Variants in HDAC5 observed in about 807,000 individuals in gnomAD.
HDAC5 encodes the protein histone deacetylase 5, also known as antigen NY-CO-9.
In HDAC5, 25 loss-of-function variants were observed where a neutral mutation model predicts 133.3. The ratio of observed to expected loss-of-function variants is 0.19; its 90% CI spans 0.14 to 0.26. The LOEUF (loss-of-function observed/expected upper bound fraction) is 0.26. HDAC5 is among the 10% of genes least tolerant of loss of function. HDAC5 has a pLI of 1.00. For missense variants in HDAC5, 1,041 were observed against 1,460.5 expected (o/e 0.71, Z 4.68); for synonymous variants, 589 against 610.8 (o/e 0.96, Z 0.53).
At chr17:44,092,062 G>C (rs2050977953) in intron 9 of HDAC5, 110 bp downstream of exon 9, 1 of 1,020,362 alleles carries the variant, frequency 9.8e-7, no homozygotes, top group East Asian at 2.5e-5. Flanking sequence ...TGTGGGCAGA[G>C]AGGTCTCTGC....
chr17:44,080,835 G>A lies in HDAC5; in HGVS notation c.2655C>T (p.Pro885=), dbSNP rs1242422431. The part of the protein sequence containing the change: ...NGTQQAFYND[P]SVLYISLHRY... ...GATGCAGAGAGATGTAGAGCACAGA[G>A]GGGTCATTGTAGAACGCCTGCTGGG... Residue 885 remains proline, a synonymous_variant, in exon 21 of 27, where the codon CCC becomes CCT. Coordinates refer to ENST00000682912, the MANE Select transcript of HDAC5 (RefSeq NM_005474.5). The A allele has an allele frequency of 6.2e-7, 1 of 1,614,224 alleles. No individual in the cohort carries two copies. The highest frequency in any genetic ancestry group is 1.6e-4 in the Middle Eastern group (1 of 6,062).
chr17:44,076,781 C>G lies in HDAC5; in HGVS notation c.*1595G>C, dbSNP rs2050144659. ...ACTGCCAGAAACAAGTTTATTTACA[C>G]AAGGACACACAGTGTAACGGGTTAC... On this transcript the variant is annotated 3_prime_UTR_variant, in exon 27 of 27. Coordinates refer to ENST00000682912, the MANE Select transcript of HDAC5 (RefSeq NM_005474.5). The G allele has an allele frequency of 5.7e-6, 1 of 175,014 alleles. No homozygotes were observed. Among genetic ancestry groups the G allele is most frequent in the Non-Finnish European group, 1.2e-5 (1 of 80,110 alleles). 10.8% of individuals were successfully genotyped at this position (175,014 alleles called of 1,614,324 possible).
intron 20 of HDAC5, chr17:44,081,781 A>G (rs1177011521): frequency 6.6e-6 from 1 of 151,902 alleles, no homozygotes; most frequent in Non-Finnish European, 1.5e-5. Context: ...GGGTTTCACC[A>G]TGTTGGCCAT....
Position 44,078,444 on chromosome 17 carries a change from G to A in HDAC5, c.3330-29C>T, listed in dbSNP as rs1401583695. The A allele has an allele frequency of 2.6e-6, 4 of 1,565,282 alleles. No individual in the cohort carries two copies. The South Asian group carries it at 4.8e-5, about 19-fold the overall frequency. On this transcript the variant is annotated intron_variant, in intron 26 of 26. Coordinates refer to ENST00000682912, the MANE Select transcript of HDAC5 (RefSeq NM_005474.5). ...TGGGGCAAGCACAGGGGAGGGTATT[G>A]AGTGGGGCGCACCAGCAGGGGTGAG...
rs912626259 is a variant in HDAC5, at chr17:44,112,307, T to C, written c.23-1507A>G. ...AGCACAGCCCCTGCTCCCTGGGTCC[T>C]GGGGCTGGTGCACCATGAGGACCAG... On this transcript the variant is annotated intron_variant, in intron 2 of 26. Coordinates refer to ENST00000682912, the MANE Select transcript of HDAC5 (RefSeq NM_005474.5). Among the ~76,000 whole-genome samples, 3 of 152,234 alleles carry C rather than the reference T, an allele frequency of 2.0e-5. No homozygotes were observed. The South Asian group carries it at 6.2e-4, about 32-fold the overall frequency.
At chr17:44,110,890 G>A (rs779620876) in intron 2 of HDAC5, 90 bp from the exon 3 acceptor site, 1 of 1,141,496 alleles carries the variant, frequency 8.8e-7, no homozygotes, top group African/African-American at 1.5e-5. Context: ...GCCAGGGAGG[G>A]GGCCGCCAGA....
chr17:44,091,264 A>G lies in HDAC5; in HGVS notation c.1387+6T>C. On this transcript the variant is annotated splice_donor_region_variant and intron_variant, in intron 11 of 26. Transcript: ENST00000682912. Reference sequence around the variant, plus strand: ...CCCTCCCTTGCACAGCTACCTGTCCACTCACCAGCAATGAGGGTGCTCTGC... The same window carrying G: ...CCCTCCCTTGCACAGCTACCTGTCCGCTCACCAGCAATGAGGGTGCTCTGC... 6.2e-7 allele frequency: 1 copy of G among 1,606,712 alleles called. No homozygotes were observed.
rs2052750946 is a variant in HDAC5, at chr17:44,117,957, T to C, written c.-189-253A>G. Among the ~76,000 whole-genome samples the C allele has an allele frequency of 6.6e-6, 1 of 152,088 alleles. No homozygotes were observed. The highest frequency in any genetic ancestry group is 2.4e-5 in the African/African-American group (1 of 41,402). ...CCCAACAGACCCCTTTTCAGGTGAG[T>C]GTCTACTGCCAGCTGGGGAGACCCT... On this transcript the variant is annotated intron_variant, in intron 1 of 26. Coordinates refer to ENST00000682912, the MANE Select transcript of HDAC5 (RefSeq NM_005474.5). This position sits in a 1 kb window ranked among gnomAD's most constrained non-coding sequence, Gnocchi z 4.2.
At chr17:44,078,995 T>G in intron 24 of HDAC5, 116 bp from the exon 25 acceptor site, 1 of 1,517,426 alleles carries the variant, frequency 6.6e-7, no homozygotes, top group Non-Finnish European at 9.1e-7. Flanking sequence ...CATGGCCTTT[T>G]TGGACAAACG....
Position 44,086,603 on chromosome 17 carries a change from T to TG in HDAC5, c.2018dup (p.Asp674ArgfsTer33). The stretch of plus-strand genomic sequence containing the variant: ...TGAAGAGGTGCTTGACGGGCTGGTC[T>TG]GGGGGGCTCTTCATGCCCCCAGGGG... On this transcript the variant is annotated frameshift_variant, in exon 14 of 27. Coordinates refer to ENST00000682912, the MANE Select transcript of HDAC5 (RefSeq NM_005474.5). LOFTEE classifies it high-confidence loss of function. The TG allele has an allele frequency of 7.7e-7, 1 of 1,304,606 alleles. No homozygotes were observed. The highest frequency in any genetic ancestry group is 9.8e-7 in the Non-Finnish European group (1 of 1,018,828). The allele number at this position is 1,304,606 out of a possible 1,614,324, so 80.8% of individuals were successfully genotyped here.
chr17:44,123,343 G>T (rs1315994334), intron 1 of HDAC5, 161 bp downstream of exon 1: 1 of 332,756 alleles, frequency 3.0e-6, no homozygotes. Context: ...GATGCTCCCG[G>T]GGGGCGCCGG....
intron 3 of HDAC5, among the ~76,000 whole-genome samples, chr17:44,097,962 C>T (rs1352325906): frequency 6.6e-6 from 1 of 152,260 alleles, no homozygotes; most frequent in African/African-American, 2.4e-5. Context: ...ATGCAGGTGG[C>T]AGGGCAGGCA....
At chr17:44,092,587 C>A in intron 7 of HDAC5, 60 bp from the exon 8 acceptor site, 2 of 1,573,738 alleles carry the variant, frequency 1.3e-6, no homozygotes, top group Admixed American at 1.7e-5. Context: ...TGCAGCTGAG[C>A]CCACTGGGGT....
Position 44,089,584 on chromosome 17 carries a change from A to G in HDAC5, c.1388-986T>C, listed in dbSNP as rs1039916919. On this transcript the variant is annotated intron_variant, in intron 11 of 26. Coordinates refer to ENST00000682912, the MANE Select transcript of HDAC5 (RefSeq NM_005474.5). ...ACGTGGTGAAACTTCTTCTCTAATA[A>G]AAATACAAAAAATTAAGCCAGGCAT... 1.1e-4 allele frequency among the ~76,000 whole-genome samples: 16 copies of G among 151,862 alleles called. No individual in the cohort carries two copies. In the South Asian group the frequency reaches 2.9e-3, roughly 28 times the overall value.
chr17:44,102,049 C>A (rs1384540936), intron 3 of HDAC5, among the ~76,000 whole-genome samples: 1 of 152,226 alleles, frequency 6.6e-6, no homozygotes, highest in Non-Finnish European at 1.5e-5. Context: ...CAGGAGGCCC[C>A]CGAGGCTAGA....
At chr17:44,098,406 G>A (rs980212255) in intron 3 of HDAC5, among the ~76,000 whole-genome samples, 3 of 152,168 alleles carry the variant, frequency 2.0e-5, no homozygotes, top group African/African-American at 7.2e-5. Context: ...GACAGGCCCG[G>A]GGCGTGGTGG....
chr17:44,113,607 T>C (rs1426277731), intron 2 of HDAC5, among the ~76,000 whole-genome samples: 3 of 152,048 alleles, frequency 2.0e-5, no homozygotes. Flanking sequence ...CCATGTATCA[T>C]CCCACAAACC....
chr17:44,120,986 G>GA (rs1381299230), intron 1 of HDAC5, among the ~76,000 whole-genome samples: 1 of 151,062 alleles, frequency 6.6e-6, no homozygotes, highest in Non-Finnish European at 1.5e-5. Context: ...GACAGGGAAG[G>GA]AAAAAAGGCA....
intron 12 of HDAC5, 143 bp from the exon 13 acceptor site, chr17:44,087,839 C>G: frequency 9.9e-7 from 1 of 1,014,644 alleles, no homozygotes; most frequent in Non-Finnish European, 1.3e-6. Context: ...GGTAGCTCCT[C>G]TGAGAGGACT....
Sources: gnomAD v4.1 joint callset for allele counts (sites outside exome capture counted in the v4.1 genomes callset) on GRCh38, gnomAD v4.1.1 for gene constraint, Gnocchi (gnomAD v3.1) non-coding constraint, MANE v1.5 for transcripts, NCBI Gene and HGNC (gene_info 2026-07-23, HGNC 2026-07-21) for gene names.